Variants in EPB41L1 observed in about 807,000 individuals in gnomAD.
The protein encoded by EPB41L1 is erythrocyte membrane protein band 4.1 like 1, also known as band 4.1-like protein 1.
In EPB41L1, 29 loss-of-function variants were observed where a neutral mutation model predicts 97.8. The observed-to-expected ratio is 0.30, with a 90% confidence interval of 0.22 to 0.40. The LOEUF (loss-of-function observed/expected upper bound fraction) is 0.40. Ranked by LOEUF, EPB41L1 falls within the 10% of genes least tolerant of loss-of-function variation. EPB41L1 has a pLI of 1.00. For synonymous variants in EPB41L1, 383 were observed against 459.2 expected, an observed-to-expected ratio of 0.83 and a Z score of 2.12; for missense variants, 812 against 1,162.3, an observed-to-expected ratio of 0.70 and a Z score of 4.38.
intron 1 of EPB41L1, among the ~76,000 whole-genome samples, chr20:36,109,226 T>A (rs1601252086): frequency 6.6e-6 from 1 of 151,844 alleles, no homozygotes; most frequent in Non-Finnish European, 1.5e-5. Flanking sequence ...GGATTACAGG[T>A]GTGAGCCACT....
rs374804688 is a variant in EPB41L1 at position 36,210,179 on chromosome 20, C to T, written c.2079+281C>T. On this transcript the variant is annotated intron_variant, in intron 15 of 21. Transcript: ENST00000338074. The stretch of plus-strand genomic sequence containing the variant: ...GGTCTTTCTTGACCCCATGCCCCCC[C>T]ACCTGTGTTGCATGGCACCTGCAGA... Among the ~76,000 whole-genome samples the T allele has an allele frequency of 3.1e-3, 470 of 152,284 alleles. 4 individuals are homozygous for T. The highest frequency in any genetic ancestry group is 0.011 in the African/African-American group (439 of 41,558).
intron 1 of EPB41L1, among the ~76,000 whole-genome samples, chr20:36,158,022 A>G (rs1331825261): frequency 6.6e-6 from 1 of 152,206 alleles, no homozygotes; most frequent in Non-Finnish European, 1.5e-5. Context: ...TGTACAACTC[A>G]TACGTTCTTC....
At chr20:36,131,015 G>T (rs2059183781) in intron 2 of EPB41L1, among the ~76,000 whole-genome samples, 1 of 143,312 alleles carries the variant, frequency 7.0e-6, no homozygotes, top group Non-Finnish European at 1.5e-5. Context: ...TGCTCTTGTT[G>T]CCCAGGCTGG....
intron 21 of EPB41L1, among the ~76,000 whole-genome samples, chr20:36,223,666 C>G (rs1285142573): frequency 6.6e-6 from 1 of 152,050 alleles, no homozygotes; most frequent in Non-Finnish European, 1.5e-5. Flanking sequence ...TCAGAATATT[C>G]CTGATTTTCT....
intron 14 of EPB41L1, among the ~76,000 whole-genome samples, chr20:36,208,045 C>A (rs868263062): frequency 2.0e-5 from 3 of 152,220 alleles, no homozygotes; most frequent in African/African-American, 7.2e-5. Flanking sequence ...GAGGGTCACA[C>A]AACCCCCATG....
intron 2 of EPB41L1, among the ~76,000 whole-genome samples, chr20:36,123,433 G>C (rs563557103): frequency 6.6e-6 from 1 of 150,780 alleles, no homozygotes; most frequent in Middle Eastern, 3.4e-3. Flanking sequence ...TTAAGTTCTG[G>C]TTTTTTTGTT....
In EPB41L1 at chr20:36,178,686, T is replaced by G. The variant is rs564610893; in HGVS notation, c.490+14T>G. 2 of 1,613,976 alleles carry G rather than the reference T, an allele frequency of 1.2e-6. No homozygotes were observed. Among genetic ancestry groups the G allele is most frequent in the East Asian group, 4.5e-5 (2 of 44,876 alleles). On this transcript the variant is annotated intron_variant, in intron 5 of 21. Coordinates refer to ENST00000338074, the MANE Select transcript of EPB41L1 (RefSeq NM_012156.2). ...AGCAGATCCGGAGTGAGTGGCTTGT[T>G]GTGTTTGGGGAGGTGGGTGGGTGAG...
intron 2 of EPB41L1, among the ~76,000 whole-genome samples, chr20:36,142,263 G>T (rs1445286576): frequency 6.6e-6 from 1 of 152,118 alleles, no homozygotes; most frequent in Non-Finnish European, 1.5e-5. Context: ...ATTATTTTGT[G>T]TGGCTGCGTA....
intron 2 of EPB41L1, among the ~76,000 whole-genome samples, chr20:36,148,186 G>A (rs1325552040): frequency 2.0e-5 from 3 of 152,118 alleles, no homozygotes; most frequent in Admixed American, 6.5e-5. Flanking sequence ...GTGTGTGGGC[G>A]GAGGGAAGGG....
chr20:36,125,967 G>A (rs912953322), intron 2 of EPB41L1, among the ~76,000 whole-genome samples: 3 of 151,962 alleles, frequency 2.0e-5, no homozygotes, highest in Non-Finnish European at 4.4e-5. Context: ...TTGGGGAAGG[G>A]AGGGGGAAGA....
intron 14 of EPB41L1, among the ~76,000 whole-genome samples, chr20:36,198,495 AAC>A (rs942825641): frequency 1.3e-5 from 2 of 152,214 alleles, no homozygotes; most frequent in Non-Finnish European, 2.9e-5. Flanking sequence ...CTATTGTGAA[AAC>A]ACGGATCGGG....
intron 1 of EPB41L1, among the ~76,000 whole-genome samples, chr20:36,158,136 C>T (rs2145586678): frequency 6.6e-6 from 1 of 152,126 alleles, no homozygotes; most frequent in Middle Eastern, 3.4e-3. Flanking sequence ...AATAGCTAGG[C>T]TGTGGGGGAG....
chr20:36,149,390 C>T (rs912703567), intron 2 of EPB41L1, among the ~76,000 whole-genome samples: 3 of 152,168 alleles, frequency 2.0e-5, no homozygotes, highest in South Asian at 2.1e-4. Flanking sequence ...TAAGGCTTAA[C>T]GCAGGAGGGT....
At chr20:36,132,773 C>A (rs2059269031) in intron 2 of EPB41L1, among the ~76,000 whole-genome samples, 1 of 152,102 alleles carries the variant, frequency 6.6e-6, no homozygotes, top group South Asian at 2.1e-4. Context: ...AGGCAGTGCA[C>A]CTGTGATAGT....
chr20:36,135,404 G>A (rs1216791333), intron 2 of EPB41L1, among the ~76,000 whole-genome samples: 3 of 152,300 alleles, frequency 2.0e-5, no homozygotes, highest in East Asian at 1.9e-4. Flanking sequence ...CACATGGGCC[G>A]AAGCAATAAG....
chr20:36,222,206 C>T, intron 20 of EPB41L1, 72 bp from the exon 21 acceptor site: 2 of 1,355,536 alleles, frequency 1.5e-6, no homozygotes, highest in South Asian at 1.2e-5. Context: ...CACTAGAGGG[C>T]TTGCTGTTCT....
At chr20:36,111,114 T>A (rs1396439696) in intron 1 of EPB41L1, among the ~76,000 whole-genome samples, 1 of 152,146 alleles carries the variant, frequency 6.6e-6, no homozygotes, top group East Asian at 1.9e-4. Flanking sequence ...GTCCCCCCAT[T>A]AGCCCTGGGA....
At chr20:36,177,517 G>A (rs1243972010) in intron 3 of EPB41L1, among the ~76,000 whole-genome samples, 1 of 152,190 alleles carries the variant, frequency 6.6e-6, no homozygotes, top group Admixed American at 6.5e-5. Flanking sequence ...TGAGCCCCAA[G>A]CCCTCCCCTT....
intron 2 of EPB41L1, among the ~76,000 whole-genome samples, chr20:36,120,733 T>C (rs893296889): frequency 2.0e-5 from 3 of 152,202 alleles, no homozygotes; most frequent in African/African-American, 7.2e-5. Flanking sequence ...TCCAATTTTA[T>C]TGGAGTTCCT....
Sources: gnomAD v4.1 joint callset for allele counts (sites outside exome capture counted in the v4.1 genomes callset) on GRCh38, gnomAD v4.1.1 for gene constraint, MANE v1.5 for transcripts, NCBI Gene and HGNC (gene_info 2026-07-23, HGNC 2026-07-21) for gene names.